RBFOX1: variants seen among roughly 807,000 people sequenced by gnomAD.
RBFOX1 encodes RNA binding protein fox-1 homolog 1.
RBFOX1 carries 8 observed loss-of-function variants against 57.7 expected under a neutral mutation model. That is an observed-to-expected ratio of 0.14 (90% CI 0.08 to 0.25). The LOEUF is 0.25. RBFOX1 is among the 10% of genes least tolerant of loss of function. RBFOX1 has a pLI of 1.00. For synonymous variants in RBFOX1, 326 were observed against 222.4 expected (o/e 1.47, Z -4.15); for missense variants, 611 against 548.5 (o/e 1.11, Z -1.14).
intron 3 of RBFOX1, among the ~76,000 whole-genome samples, chr16:7,001,963 A>T (rs1363312291): frequency 6.6e-6 from 1 of 152,058 alleles, no homozygotes; most frequent in African/African-American, 2.4e-5. Flanking sequence ...TCTTGTGCAC[A>T]CGATTGAGCA....
At position 7,363,763 on chromosome 16, in the gene RBFOX1, CGTTTG is replaced by C. The variant is rs1568425588; in HGVS notation, c.28-154383_28-154379del. ...GAGCATTTAATGATTCTTCTATAGA[CGTTTG>C]AGTAGCTGTGTTTTGGTTTCAGGGG... On this transcript the variant is annotated intron_variant, in intron 4 of 15. Transcript: ENST00000550418. Among the ~76,000 whole-genome samples the C allele has an allele frequency of 7.9e-5, 12 of 152,178 alleles. No individual in the cohort carries two copies. In the East Asian group the frequency reaches 2.1e-3, roughly 27 times the overall value.
At chr16:6,812,871 C>G (rs2089090620) in intron 3 of RBFOX1, among the ~76,000 whole-genome samples, 1 of 152,162 alleles carries the variant, frequency 6.6e-6, no homozygotes, top group Admixed American at 6.5e-5. Flanking sequence ...TGGGAAGCCC[C>G]TGAGTCCTTT....
chr16:7,119,876 A>C (rs1328573713), intron 4 of RBFOX1, among the ~76,000 whole-genome samples: 1 of 152,142 alleles, frequency 6.6e-6, no homozygotes, highest in African/African-American at 2.4e-5. Context: ...TGTAATCAAC[A>C]CCATCCAACA....
chr16:6,931,366 C>A (rs1041799520), intron 3 of RBFOX1, among the ~76,000 whole-genome samples: 1 of 148,788 alleles, frequency 6.7e-6, no homozygotes, highest in African/African-American at 2.6e-5. Context: ...CACACACATA[C>A]ATACACATAT....
At chr16:6,959,743 C>T (rs1479987403) in intron 3 of RBFOX1, among the ~76,000 whole-genome samples, 1 of 152,090 alleles carries the variant, frequency 6.6e-6, no homozygotes, top group Non-Finnish European at 1.5e-5. Flanking sequence ...TCGAGACCAG[C>T]CTGGCCAACA....
At chr16:6,944,174 A>C (rs2079049459) in intron 3 of RBFOX1, among the ~76,000 whole-genome samples, 1 of 151,992 alleles carries the variant, frequency 6.6e-6, no homozygotes, top group Non-Finnish European at 1.5e-5. Flanking sequence ...AGGTGGGTGG[A>C]TTATGAGGTC....
At chr16:7,019,992 T>C (rs13333017) in intron 3 of RBFOX1, among the ~76,000 whole-genome samples, 8,485 of 151,526 alleles carry the variant, frequency 0.056, 427 homozygotes, top group East Asian at 0.19. Context: ...TTTTTTTTTT[T>C]TCTCTGATGA....
chr16:5,384,787 C>T (rs1047072023), intron 1 of RBFOX1, among the ~76,000 whole-genome samples: 2 of 152,096 alleles, frequency 1.3e-5, no homozygotes, highest in East Asian at 1.9e-4. Flanking sequence ...TCACTAGCTG[C>T]GTGACTTTTG....
chr16:6,844,560 CT>C lies in RBFOX1; in HGVS notation c.-16+189920del, dbSNP rs145308267. The stretch of plus-strand genomic sequence containing the variant: ...AGTATTCCATGGTGTATATGTACGA[CT>C]TTTTTTTTTATCCAGTCTTTGTCAT... On this transcript the variant is annotated intron_variant, in intron 3 of 15. Transcript: ENST00000550418. 8.6e-3 allele frequency among the ~76,000 whole-genome samples: 1,282 copies of C among 149,498 alleles called. 19 individuals are homozygous for C. Among genetic ancestry groups the C allele is most frequent in the African/African-American group, 0.029 (1,167 of 40,926 alleles).
At chr16:5,406,626 A>T (rs1420050318) in intron 1 of RBFOX1, among the ~76,000 whole-genome samples, 1 of 151,998 alleles carries the variant, frequency 6.6e-6, no homozygotes, top group Admixed American at 6.6e-5. Context: ...ACACGTGTAT[A>T]TGCATGCATG....
chr16:7,523,549 G>A (rs1218448269), intron 5 of RBFOX1, among the ~76,000 whole-genome samples: 1 of 152,192 alleles, frequency 6.6e-6, no homozygotes. Flanking sequence ...AATGTATGGT[G>A]GACCGGTTAG....
chr16:7,265,565 C>T (rs998326714), intron 4 of RBFOX1, among the ~76,000 whole-genome samples: 1 of 152,156 alleles, frequency 6.6e-6, no homozygotes, highest in Non-Finnish European at 1.5e-5. Context: ...TCTCCTGCCT[C>T]AGCCTCCCGA....
At chr16:7,695,941 A>G (rs936683743) in intron 14 of RBFOX1, among the ~76,000 whole-genome samples, 1 of 152,214 alleles carries the variant, frequency 6.6e-6, no homozygotes, top group African/African-American at 2.4e-5. Context: ...TGGGCTAAGC[A>G]TAGGCAGCCA....
At chr16:6,078,270 T>C (rs1457957097) in intron 1 of RBFOX1, among the ~76,000 whole-genome samples, 1 of 152,198 alleles carries the variant, frequency 6.6e-6, no homozygotes, top group African/African-American at 2.4e-5. Flanking sequence ...TAGTATATTA[T>C]GTTGGTTAAG....
At chr16:7,560,447 C>CA (rs397768587) in intron 5 of RBFOX1, among the ~76,000 whole-genome samples, 2 of 151,088 alleles carry the variant, frequency 1.3e-5, no homozygotes, top group African/African-American at 2.4e-5. Flanking sequence ...AAAGTACCCC[C>CA]AGTGACTAAA....
intron 1 of RBFOX1, among the ~76,000 whole-genome samples, chr16:6,089,838 T>C (rs2096145084): frequency 6.6e-6 from 1 of 152,180 alleles, no homozygotes; most frequent in Non-Finnish European, 1.5e-5. Flanking sequence ...ATAAATCATG[T>C]CATTGAATCC....
intron 4 of RBFOX1, among the ~76,000 whole-genome samples, chr16:5,933,301 G>A (rs1387471479): frequency 6.6e-6 from 1 of 152,172 alleles, no homozygotes; most frequent in Non-Finnish European, 1.5e-5. Flanking sequence ...AAGTCAAGGG[G>A]AGTCAATTGA....
intron 1 of RBFOX1, among the ~76,000 whole-genome samples, chr16:6,231,638 AAG>A (rs1257827990): frequency 3.3e-5 from 5 of 152,190 alleles, no homozygotes; most frequent in African/African-American, 1.2e-4. Flanking sequence ...ATGTGGAGAA[AAG>A]AGTCTGAGGC....
chr16:5,701,214 AC>A, intron 3 of RBFOX1, among the ~76,000 whole-genome samples: 1 of 152,350 alleles, frequency 6.6e-6, no homozygotes, highest in Middle Eastern at 3.4e-3. Context: ...CCCCTGCCAG[AC>A]TATGCTGTTT....
Sources: gnomAD v4.1 joint callset for allele counts (sites outside exome capture counted in the v4.1 genomes callset) on GRCh38, gnomAD v4.1.1 for gene constraint, MANE v1.5 for transcripts, NCBI Gene and HGNC (gene_info 2026-07-23, HGNC 2026-07-21) for gene names.